SUPT3H: variants seen among roughly 807,000 people sequenced by gnomAD.
The protein encoded by SUPT3H is SPT3 homolog, SAGA and STAGA complex component.
SUPT3H carries 44 observed loss-of-function variants against 44.3 expected under a neutral mutation model. The observed-to-expected ratio is 0.99, with a 90% CI of 0.78 to 1.28. SUPT3H has a LOEUF of 1.28. Ranked by LOEUF, SUPT3H falls within the 50% of genes most tolerant of loss-of-function variation. The pLI is 0.00. For missense variants in SUPT3H, 380 were observed against 387.1 expected (o/e 0.98, Z 0.15); for synonymous variants, 124 against 125.6 (o/e 0.99, Z 0.09).
At chr6:45,167,218 T>C (rs961307134) in intron 2 of SUPT3H, among the ~76,000 whole-genome samples, 2 of 152,090 alleles carry the variant, frequency 1.3e-5, no homozygotes, top group African/African-American at 4.8e-5. Context: ...AAGTCATTGG[T>C]TTCCTCTCAC....
chr6:45,015,195 A>G lies in SUPT3H; in HGVS notation c.274-304T>C, dbSNP rs73737826. On this transcript the variant is annotated intron_variant, in intron 4 of 10. Transcript: ENST00000371459. ...CTCAGGAGACTTCATCGTTTTGTGA[A>G]CATCACTGAATACACTTACACAAAC... is the stretch of plus-strand genomic sequence containing the variant. 3.9e-3 allele frequency among the ~76,000 whole-genome samples: 588 copies of G among 152,242 alleles called. 7 individuals carry two copies. Among genetic ancestry groups the G allele is most frequent in the African/African-American group, 0.013 (560 of 41,562 alleles).
At chr6:44,962,419 C>T (rs1217870567) in intron 6 of SUPT3H, among the ~76,000 whole-genome samples, 2 of 152,072 alleles carry the variant, frequency 1.3e-5, no homozygotes, top group South Asian at 2.1e-4. Flanking sequence ...GCTTCACTGT[C>T]CCACAAGAGG....
chr6:44,836,037 G>A (rs997544740), intron 10 of SUPT3H, among the ~76,000 whole-genome samples: 7 of 152,040 alleles, frequency 4.6e-5, no homozygotes, highest in East Asian at 1.9e-4. Context: ...CTATGCAATC[G>A]CTTTTTAAAA....
intron 10 of SUPT3H, among the ~76,000 whole-genome samples, chr6:44,864,981 G>A (rs114460850): frequency 0.011 from 1,684 of 152,214 alleles, 30 homozygotes; most frequent in African/African-American, 0.039. Flanking sequence ...CTTATAAACC[G>A]AATGCCTTTA....
chr6:44,941,740 C>A (rs1299342050), intron 9 of SUPT3H, among the ~76,000 whole-genome samples: 1 of 152,104 alleles, frequency 6.6e-6, no homozygotes, highest in Non-Finnish European at 1.5e-5. Flanking sequence ...AATAGTATTA[C>A]AGATATAACT....
chr6:44,992,992 T>C (rs1780794378), intron 6 of SUPT3H, among the ~76,000 whole-genome samples: 1 of 151,948 alleles, frequency 6.6e-6, no homozygotes, highest in African/African-American at 2.4e-5. Context: ...AGTAAGACCC[T>C]GTCTCTACAA....
chr6:45,366,773 T>C (rs1051051271), intron 1 of SUPT3H, among the ~76,000 whole-genome samples: 36 of 152,282 alleles, frequency 2.4e-4, no homozygotes, highest in African/African-American at 8.7e-4. Context: ...TTTGACTCCT[T>C]CTCCTGCACC....
At position 45,094,186 on chromosome 6, in the gene SUPT3H, G is replaced by A. The variant is rs80233218; in HGVS notation, c.186+11736C>T. Among the ~76,000 whole-genome samples, 656 of 152,100 alleles carry A rather than the reference G, an allele frequency of 4.3e-3. 2 individuals are homozygous for A. Among genetic ancestry groups the A allele is most frequent in the Non-Finnish European group, 7.3e-3 (497 of 67,950 alleles). ...GAGAAATTTTAGCCCGAACTAAAAC[G>A]TTCAGCACAGATTAAAAATCCAAGC... On this transcript the variant is annotated intron_variant, in intron 3 of 10. Coordinates refer to ENST00000371459, the MANE Select transcript of SUPT3H (RefSeq NM_003599.4).
At chr6:45,137,365 A>G (rs1298450139) in intron 2 of SUPT3H, among the ~76,000 whole-genome samples, 1 of 151,936 alleles carries the variant, frequency 6.6e-6, no homozygotes, top group Non-Finnish European at 1.5e-5. Flanking sequence ...GTAAACATAA[A>G]AGACTCTCTA....
chr6:44,835,668 G>A (rs996780580), intron 10 of SUPT3H, among the ~76,000 whole-genome samples: 9 of 152,112 alleles, frequency 5.9e-5, no homozygotes, highest in Admixed American at 1.3e-4. Context: ...TTGAGCCACC[G>A]TTGGGATGGT....
chr6:45,218,431 T>C (rs975863976), intron 2 of SUPT3H, among the ~76,000 whole-genome samples: 24 of 152,190 alleles, frequency 1.6e-4, no homozygotes, highest in African/African-American at 4.8e-4. Flanking sequence ...ATCTCAACAA[T>C]TGATGAAAGT....
At position 45,158,298 on chromosome 6, in the gene SUPT3H, A is replaced by ATATATATATATT; in HGVS notation, c.102-52293_102-52292insAATATATATATA. ...TACATATATATATATATATATATAT[A>ATATATATATATT]TTTTTTTTTTTTTTTTTTTGAGATG... On this transcript the variant is annotated intron_variant, in intron 2 of 10. Coordinates refer to ENST00000371459, the MANE Select transcript of SUPT3H (RefSeq NM_003599.4). 5.0e-4 allele frequency among the ~76,000 whole-genome samples: 50 copies of ATATATATATATT among 99,688 alleles called. 2 individuals carry two copies. Among genetic ancestry groups the ATATATATATATT allele is most frequent in the African/African-American group, 2.1e-3 (42 of 19,982 alleles). 65.4% of individuals were successfully genotyped at this position (99,688 alleles called of 152,430 possible).
chr6:45,177,213 G>A (rs150813710), intron 2 of SUPT3H, among the ~76,000 whole-genome samples: 636 of 133,502 alleles, frequency 4.8e-3, no homozygotes, highest in Admixed American at 0.011. Context: ...CCAATACAGA[G>A]AAGTGCTTAA....
chr6:45,205,085 G>C (rs1763023200), intron 2 of SUPT3H, among the ~76,000 whole-genome samples: 2 of 152,060 alleles, frequency 1.3e-5, no homozygotes, highest in Admixed American at 1.3e-4. Context: ...GTACTATAAA[G>C]CAAAACCAAA....
At chr6:45,178,479 C>T (rs901355585) in intron 2 of SUPT3H, among the ~76,000 whole-genome samples, 10 of 151,864 alleles carry the variant, frequency 6.6e-5, no homozygotes, top group African/African-American at 1.7e-4. Flanking sequence ...GACTTTAACA[C>T]CCCACTGTCA....
intron 5 of SUPT3H, among the ~76,000 whole-genome samples, chr6:45,007,288 C>CA (rs1335267446): frequency 6.6e-6 from 1 of 152,002 alleles, no homozygotes; most frequent in Non-Finnish European, 1.5e-5. Flanking sequence ...ATCTACTCAA[C>CA]TTTTTTTACT....
chr6:45,377,580 C>T (rs1425450879), intron 1 of SUPT3H, among the ~76,000 whole-genome samples, 188 bp downstream of exon 1: 1 of 152,134 alleles, frequency 6.6e-6, no homozygotes, highest in African/African-American at 2.4e-5. Context: ...CCAGCGCCTC[C>T]CACAGCCGCC....
At chr6:45,173,587 A>T (rs1423023367) in intron 2 of SUPT3H, among the ~76,000 whole-genome samples, 1 of 152,118 alleles carries the variant, frequency 6.6e-6, no homozygotes. Flanking sequence ...TTTATCACTG[A>T]CATCTGACAC....
intron 2 of SUPT3H, among the ~76,000 whole-genome samples, chr6:45,132,593 T>C (rs56283067): frequency 0.22 from 32,699 of 152,078 alleles, 4,286 homozygotes; most frequent in Non-Finnish European, 0.3. Context: ...TAGTGATATT[T>C]CTACAAAAGA....
Sources: allele counts gnomAD v4.1 joint callset (sites outside exome capture counted in the v4.1 genomes callset), GRCh38; gene constraint gnomAD v4.1.1; transcripts MANE v1.5; gene names NCBI Gene and HGNC (gene_info 2026-07-23, HGNC 2026-07-21).